The following LYRM4 variants were observed in gnomAD, a reference collection of about 807,000 sequenced individuals.
The protein encoded by LYRM4 is LYR motif containing 4.
Under a neutral mutation model 11.7 loss-of-function variants are expected in LYRM4, and 9 were observed. That is an observed-to-expected ratio of 0.77 (90% CI 0.46 to 1.34). The LOEUF (loss-of-function observed/expected upper bound fraction) is 1.34, where lower values mean the gene tolerates loss of function less well. Ranked by LOEUF, LYRM4 falls within the 40% of genes most tolerant of loss-of-function variation. The pLI, the probability that LYRM4 is intolerant of heterozygous loss-of-function variation, is 0.00. For missense variants in LYRM4, 133 were observed against 112.5 expected, an observed-to-expected ratio of 1.18 and a Z score of -0.82; for synonymous variants, 42 against 40.4, an observed-to-expected ratio of 1.04 and a Z score of -0.15.
At chr6:5,057,847 G>A in the LYRM4 span, among the ~76,000 whole-genome samples, 12 of 150,952 alleles carry the variant, frequency 7.9e-5, no homozygotes, top group Admixed American at 5.3e-4. Flanking sequence ...CTGCAGCCTC[G>A]AACTCCTGGG....
In LYRM4 at chr6:5,109,346, T is replaced by C; in HGVS notation, c.*77A>G. Reference sequence around the variant, plus strand: ...GCAAAAGGCTATTGTAAGCTGGTTTTGGGAGCCCCCATCTCAAACAGAGAG... The same window carrying C: ...GCAAAAGGCTATTGTAAGCTGGTTTCGGGAGCCCCCATCTCAAACAGAGAG... On this transcript the variant is annotated 3_prime_UTR_variant, in exon 3 of 3. Coordinates refer to ENST00000330636, the MANE Select transcript of LYRM4 (RefSeq NM_020408.6). 1 of 1,602,442 alleles carries C rather than the reference T, an allele frequency of 6.2e-7. No homozygotes were observed. The highest frequency in any genetic ancestry group is 1.3e-5 in the African/African-American group (1 of 74,856).
At chr6:5,229,416 C>T (rs1277209645) in intron 1 of LYRM4, among the ~76,000 whole-genome samples, 1 of 152,126 alleles carries the variant, frequency 6.6e-6, no homozygotes, top group African/African-American at 2.4e-5. Context: ...ATAGAAAAGG[C>T]AGACGTCTGA....
At chr6:5,107,586 C>T (rs561305819), downstream of LYRM4, 1 of 152,370 alleles carries the variant, frequency 6.6e-6, no homozygotes, top group South Asian at 2.1e-4. Flanking sequence ...TGCCACATCA[C>T]CTCCGTTCAC....
intron 2 of LYRM4, among the ~76,000 whole-genome samples, chr6:5,196,343 T>C (rs561398865): frequency 6.6e-6 from 1 of 152,324 alleles, no homozygotes; most frequent in South Asian, 2.1e-4. Context: ...TAACAGATGA[T>C]GGAGACTCAT....
intron 1 of LYRM4, chr6:5,218,380 G>A (rs576330833): frequency 3.0e-6 from 3 of 985,062 alleles, no homozygotes; most frequent in East Asian, 2.3e-4. Context: ...GGTGTTGGGA[G>A]CTCATATAAC....
the LYRM4 span, among the ~76,000 whole-genome samples, chr6:5,093,568 G>A: frequency 1.3e-5 from 2 of 152,386 alleles, no homozygotes; most frequent in East Asian, 1.9e-4. Flanking sequence ...CTTACAAAAT[G>A]AGTCTGGTAT....
chr6:5,193,494 G>C (rs902309915), intron 2 of LYRM4, among the ~76,000 whole-genome samples: 2 of 152,192 alleles, frequency 1.3e-5, no homozygotes, highest in African/African-American at 2.4e-5. Flanking sequence ...ATACTCAGCT[G>C]AGGGATTCTG....
At chr6:5,190,826 G>A (rs952367973) in intron 2 of LYRM4, among the ~76,000 whole-genome samples, 1 of 152,138 alleles carries the variant, frequency 6.6e-6, no homozygotes, top group Non-Finnish European at 1.5e-5. Context: ...TCAGATTTCA[G>A]TTTTACAAAC....
intron 2 of LYRM4, among the ~76,000 whole-genome samples, chr6:5,208,234 T>C (rs1376060724): frequency 6.6e-6 from 1 of 152,188 alleles, no homozygotes; most frequent in African/African-American, 2.4e-5. Flanking sequence ...ACTTGACTCT[T>C]TACAGATGTG....
the LYRM4 span, among the ~76,000 whole-genome samples, chr6:5,075,907 C>G: frequency 6.6e-6 from 1 of 151,826 alleles, no homozygotes; most frequent in Non-Finnish European, 1.5e-5. Flanking sequence ...CACCTTAGCT[C>G]CTCAGAGGCA....
At chr6:5,054,029 T>C in the LYRM4 span, 1 of 607,640 alleles carries the variant, frequency 1.6e-6, no homozygotes, top group East Asian at 1.4e-4. Context: ...ATGATTAAGA[T>C]GGCTATTTAC....
At chr6:5,061,993 C>A in the LYRM4 span, among the ~76,000 whole-genome samples, 1 of 151,798 alleles carries the variant, frequency 6.6e-6, no homozygotes, top group Non-Finnish European at 1.5e-5. Context: ...GTGTTTAATA[C>A]TGATACTTTG....
intron 2 of LYRM4, among the ~76,000 whole-genome samples, chr6:5,143,858 C>A (rs1270546661): frequency 6.6e-6 from 1 of 152,202 alleles, no homozygotes; most frequent in Non-Finnish European, 1.5e-5. Flanking sequence ...TTCTCAAGTG[C>A]TGGAAGGTGG....
the LYRM4 span, chr6:5,033,530 C>T: frequency 6.6e-6 from 1 of 152,190 alleles, no homozygotes. Context: ...CAGGTCAGCT[C>T]CCCTGAGGAC....
At chr6:5,120,911 G>C (rs956469166) in intron 2 of LYRM4, among the ~76,000 whole-genome samples, 1 of 152,150 alleles carries the variant, frequency 6.6e-6, no homozygotes, top group Admixed American at 6.5e-5. Flanking sequence ...AGTCCAGCTG[G>C]CTTCGCCTCT....
At chr6:5,143,221 C>CTGATGCCGTGTT (rs869297839) in intron 2 of LYRM4, among the ~76,000 whole-genome samples, 1 of 16,904 alleles carries the variant, frequency 5.9e-5, no homozygotes, top group African/African-American at 2.4e-4. Flanking sequence ...CTGTGTGAGT[C>CTGATGCCGTGTT]AGCACACCAC....
chr6:5,066,963 C>G, the LYRM4 span: 1 of 1,028,168 alleles, frequency 9.7e-7, no homozygotes, highest in Non-Finnish European at 1.3e-6. Flanking sequence ...AGGAGGAAAT[C>G]CGGCCACTGG....
chr6:5,095,485 T>C, the LYRM4 span, among the ~76,000 whole-genome samples: 2 of 152,208 alleles, frequency 1.3e-5, no homozygotes, highest in Non-Finnish European at 1.5e-5. Context: ...CTTATTGCCT[T>C]ATTTAAAGCT....
chr6:5,246,357 G>A (rs1764196082), intron 1 of LYRM4, among the ~76,000 whole-genome samples: 1 of 152,212 alleles, frequency 6.6e-6, no homozygotes, highest in Non-Finnish European at 1.5e-5. Flanking sequence ...AAGCAAGGGG[G>A]TGGAGTGGCT....
Sources: gnomAD v4.1 joint callset for allele counts (sites outside exome capture counted in the v4.1 genomes callset) on GRCh38, gnomAD v4.1.1 for gene constraint, MANE v1.5 for transcripts, NCBI Gene and HGNC (gene_info 2026-07-23, HGNC 2026-07-21) for gene names.